TRMO: variants seen among roughly 807,000 people sequenced by gnomAD.
The protein encoded by TRMO is tRNA (adenine(37)-N6)-methyltransferase.
In TRMO, 30 loss-of-function variants were observed where a neutral mutation model predicts 37.2. That is an observed-to-expected ratio of 0.81 (90% CI 0.60 to 1.09). The LOEUF (loss-of-function observed/expected upper bound fraction) is 1.09, where lower values mean the gene tolerates loss of function less well. Among genes scored for constraint, TRMO ranks in the 50% least tolerant of loss-of-function variants. TRMO has a pLI of 0.00. For missense variants in TRMO, 552 were observed against 549.5 expected (o/e 1.00, Z -0.05); for synonymous variants, 239 against 199.4 (o/e 1.20, Z -1.67).
chr9:97,903,100 T>G (rs1825718698), downstream of TRMO, among the ~76,000 whole-genome samples: 1 of 151,974 alleles, frequency 6.6e-6, no homozygotes, highest in Admixed American at 6.6e-5. Flanking sequence ...GACCCTTGTC[T>G]CTACAAAAAA....
downstream of TRMO, among the ~76,000 whole-genome samples, chr9:97,900,010 T>C (rs1229168775): frequency 3.3e-5 from 5 of 152,066 alleles, no homozygotes; most frequent in African/African-American, 7.2e-5. Context: ...TGAGCCGTGA[T>C]TGCACCACTA....
chr9:97,921,018 G>A (rs1202907883), intron 1 of TRMO, among the ~76,000 whole-genome samples: 1 of 152,174 alleles, frequency 6.6e-6, no homozygotes, highest in Non-Finnish European at 1.5e-5. Context: ...AGACTTCTGA[G>A]CCCTGGCTTC....
chr9:97,922,270 C>A, intron 1 of TRMO, 148 bp downstream of exon 1: 1 of 628,778 alleles, frequency 1.6e-6, no homozygotes, highest in Non-Finnish European at 2.8e-6. Flanking sequence ...ACGTGGTCTC[C>A]GCAGCACGTG....
chr9:97,919,859 T>G (rs963561816), intron 1 of TRMO, among the ~76,000 whole-genome samples: 1 of 152,198 alleles, frequency 6.6e-6, no homozygotes, highest in Non-Finnish European at 1.5e-5. Flanking sequence ...GGATTAGCAA[T>G]GAACTGGAAG....
At chr9:97,914,137 T>G (rs1177917009) in intron 2 of TRMO, 1 of 152,518 alleles carries the variant, frequency 6.6e-6, no homozygotes, top group East Asian at 1.9e-4. Flanking sequence ...AAACGTTTGC[T>G]ACATACATAA....
intron 4 of TRMO, among the ~76,000 whole-genome samples, chr9:97,906,418 T>C (rs1057372110): frequency 6.6e-6 from 1 of 152,116 alleles, no homozygotes; most frequent in Non-Finnish European, 1.5e-5. Context: ...CAAGTCAGGA[T>C]TCTCCTCTCA....
intron 4 of TRMO, 94 bp downstream of exon 4, chr9:97,909,866 A>T (rs1041825262): frequency 1.1e-6 from 1 of 908,740 alleles, no homozygotes; most frequent in African/African-American, 1.7e-5. Context: ...CATACTGACA[A>T]ACACTCCACA....
chr9:97,922,218 G>A (rs959247980), intron 1 of TRMO, among the ~76,000 whole-genome samples, 200 bp downstream of exon 1: 11 of 152,314 alleles, frequency 7.2e-5, no homozygotes, highest in Middle Eastern at 3.4e-3. Flanking sequence ...ATAACAAAGC[G>A]GAACAAGCCA....
chr9:97,916,345 G>A lies in TRMO; in HGVS notation c.77-7C>T, dbSNP rs1411716290. ...GGCTCAGTTAAAAGATTCCCTACAG[G>A]AGAAAATTAGGTAAAAAGTTATTAG... On this transcript the variant is annotated splice_region_variant and splice_polypyrimidine_tract_variant and intron_variant, in intron 1 of 4. Transcript: ENST00000375119. 6.3e-7 allele frequency: 1 copy of A among 1,589,872 alleles called. No homozygotes were observed.
chr9:97,908,862 T>A (rs1026803154), intron 4 of TRMO, among the ~76,000 whole-genome samples: 1 of 152,202 alleles, frequency 6.6e-6, no homozygotes, highest in Non-Finnish European at 1.5e-5. Flanking sequence ...AACTGTAGAA[T>A]GAATAAATGA....
Position 97,904,869 on chromosome 9 carries a change from A to C in TRMO, c.1190T>G (p.Phe397Cys). The change falls in exon 5 of 5, where the codon TTC becomes TGC. Residue 397 changes from phenylalanine (F) to cysteine (C), a missense_variant. Transcript: ENST00000375119. The part of the protein sequence containing the change: ...YRRKLCQDRL[F>C]YFTVDIAHVT... ...ATGCGCTATGTCTACAGTAAAGTAG[A>C]AAAGGCGGTCCTGGCAAAGCTTCCG... The C allele has an allele frequency of 6.2e-7, 1 of 1,614,240 alleles. No homozygotes were observed. Among genetic ancestry groups the C allele is most frequent in the Non-Finnish European group, 8.5e-7 (1 of 1,180,036 alleles).
At chr9:97,909,877 T>C in intron 4 of TRMO, 83 bp downstream of exon 4, 1 of 1,023,694 alleles carries the variant, frequency 9.8e-7, no homozygotes, top group East Asian at 2.4e-5. Flanking sequence ...ACACTCCACA[T>C]ACCTGCCTTC....
At chr9:97,917,114 A>G (rs983961258) in intron 1 of TRMO, among the ~76,000 whole-genome samples, 1 of 152,150 alleles carries the variant, frequency 6.6e-6, no homozygotes, top group African/African-American at 2.4e-5. Context: ...CTAATAGAGG[A>G]GAGAGTGTAC....
At position 97,910,196 on chromosome 9, in the gene TRMO, T is replaced by G. The variant is rs927884984; in HGVS notation, c.830A>C (p.Glu277Ala). 6.2e-7 allele frequency: 1 copy of G among 1,614,116 alleles called. No individual in the cohort carries two copies. The highest frequency in any genetic ancestry group is 1.3e-5 in the African/African-American group (1 of 74,940). The part of the protein sequence containing the change: ...AEEQIGPYCP[E>A]KSFSEKGTDK... ...TGTACCTTTCTCTGAAAAGCTCTTC[T>G]CTGGGCAATATGGGCCAATTTGTTC... The change falls in exon 4 of 5, where the codon GAG (glutamate) becomes GCG (alanine). Residue 277 changes from glutamate to alanine, a missense_variant. Glu to Ala is a moderately radical substitution (Grantham distance 107). Transcript: ENST00000375119.
chr9:97,909,871 T>C lies in TRMO; in HGVS notation c.1066+89A>G, dbSNP rs1245937156. 3.1e-6 allele frequency: 3 copies of C among 953,612 alleles called. No homozygotes were observed. In the East Asian group the frequency reaches 7.3e-5, roughly 23 times the overall value. 59.1% of individuals were successfully genotyped at this position (953,612 alleles called of 1,614,324 possible). A position where few individuals can be genotyped will look rare whatever the true frequency, so the allele number is the denominator to read the frequency against. The stretch of plus-strand genomic sequence containing the variant: ...AAAAACCAGTCATACTGACAAACAC[T>C]CCACATACCTGCCTTCACAAATACC... On this transcript the variant is annotated intron_variant, in intron 4 of 4. Transcript: ENST00000375119.
At chr9:97,898,880 G>C in the TRMO span, among the ~76,000 whole-genome samples, 5 of 116,752 alleles carry the variant, frequency 4.3e-5, no homozygotes, top group East Asian at 6.0e-4. Flanking sequence ...CGCTCTGTCA[G>C]CCAGGCTGGA....
downstream of TRMO, among the ~76,000 whole-genome samples, chr9:97,902,688 T>G (rs1444172735): frequency 6.6e-6 from 1 of 152,220 alleles, no homozygotes; most frequent in Non-Finnish European, 1.5e-5. Flanking sequence ...GGCCGTTGGT[T>G]ACCATCCCCC....
In TRMO at chr9:97,916,287, T is replaced by G. The variant is rs769867549; in HGVS notation, c.128A>C (p.Lys43Thr). The change falls in exon 2 of 5, where the codon AAG (lysine) becomes ACG (threonine). Residue 43 changes from lysine to threonine, a missense_variant. By Grantham distance (78) the Lys-to-Thr change is moderately conservative. Coordinates refer to ENST00000375119, the MANE Select transcript of TRMO (RefSeq NM_016481.5). ...GGATGGCTGTCTTGGAGTACCATTC[T>G]TGGCCGAGAAACAAGATTCCAAGTA... is the stretch of plus-strand genomic sequence containing the variant. ...VGYLESCFSAKNGTPRQPSIC... is the reference protein window; with the variant it reads ...VGYLESCFSATNGTPRQPSIC... 1.2e-6 allele frequency: 2 copies of G among 1,613,742 alleles called. No individual in the cohort carries two copies. The highest frequency in any genetic ancestry group is 3.3e-5 in the Admixed American group (2 of 59,952).
intron 2 of TRMO, chr9:97,915,879 AT>A (rs1187869466): frequency 8.4e-6 from 2 of 237,024 alleles, no homozygotes; most frequent in Admixed American, 5.6e-5. Context: ...TCTACCAAAA[AT>A]ACAAAAAAGA....
Sources: allele counts gnomAD v4.1 joint callset (sites outside exome capture counted in the v4.1 genomes callset), GRCh38; gene constraint gnomAD v4.1.1; transcripts MANE v1.5; gene names NCBI Gene and HGNC (gene_info 2026-07-23, HGNC 2026-07-21).